FRMD6: variants seen among roughly 807,000 people sequenced by gnomAD.
FRMD6 encodes FERM domain-containing protein 6.
FRMD6 carries 37 observed loss-of-function variants against 73.2 expected under a neutral mutation model. The ratio of observed to expected loss-of-function variants is 0.51; its 90% CI spans 0.39 to 0.66. FRMD6 has a LOEUF of 0.66. FRMD6 is among the 30% of genes least tolerant of loss of function. The probability of loss-of-function intolerance (pLI) is 0.00; values close to 1 mark genes in which losing one functional copy is unlikely to be tolerated. For missense variants in FRMD6, 714 were observed against 780.5 expected, an observed-to-expected ratio of 0.91 and a Z score of 1.02; for synonymous variants, 273 against 282.2, an observed-to-expected ratio of 0.97 and a Z score of 0.33.
chr14:51,670,177 G>A (rs1006770451), intron 1 of FRMD6, among the ~76,000 whole-genome samples: 1 of 152,110 alleles, frequency 6.6e-6, no homozygotes, highest in Non-Finnish European at 1.5e-5. Flanking sequence ...CTGGGCTCAA[G>A]CAGTCCTCTG....
intron 1 of FRMD6, among the ~76,000 whole-genome samples, chr14:51,663,447 G>A (rs980852647): frequency 1.3e-5 from 2 of 152,162 alleles, no homozygotes; most frequent in African/African-American, 4.8e-5. Context: ...AAAAGAATGC[G>A]ATCATGTCCT....
intron 1 of FRMD6, among the ~76,000 whole-genome samples, chr14:51,656,664 G>A (rs548131110): frequency 2.2e-4 from 33 of 152,176 alleles, no homozygotes; most frequent in Admixed American, 7.8e-4. Context: ...TGCCCGCCTC[G>A]GCCTCCCAAA....
chr14:51,682,907 C>A (rs1795045411), intron 1 of FRMD6, among the ~76,000 whole-genome samples: 1 of 152,146 alleles, frequency 6.6e-6, no homozygotes, highest in Admixed American at 6.5e-5. Context: ...CTACATCACC[C>A]CCATCAGCCA....
At chr14:51,541,513 C>T (rs1596561850) in intron 1 of FRMD6, among the ~76,000 whole-genome samples, 1 of 151,894 alleles carries the variant, frequency 6.6e-6, no homozygotes, top group Admixed American at 6.6e-5. Flanking sequence ...GATTCAATGG[C>T]GGGGTAGGGT....
intron 2 of FRMD6, among the ~76,000 whole-genome samples, chr14:51,627,169 C>T (rs186167586): frequency 2.0e-4 from 31 of 152,198 alleles, no homozygotes; most frequent in Middle Eastern, 3.4e-3. Context: ...TAATCTTATT[C>T]TGATGTACTG....
chr14:51,563,872 G>C (rs1180600371), intron 1 of FRMD6, among the ~76,000 whole-genome samples: 2 of 152,186 alleles, frequency 1.3e-5, no homozygotes, highest in African/African-American at 4.8e-5. Context: ...TACACTTAGA[G>C]ATATTTAGAA....
At chr14:51,652,717 C>T (rs922901328) in intron 1 of FRMD6, among the ~76,000 whole-genome samples, 1 of 152,190 alleles carries the variant, frequency 6.6e-6, no homozygotes, top group Non-Finnish European at 1.5e-5. Context: ...TCTGGAGGAG[C>T]TTACGGCGCG....
intron 13 of FRMD6, 59 bp from the exon 14 acceptor site, chr14:51,727,686 C>G: frequency 2.0e-6 from 3 of 1,488,454 alleles, no homozygotes; most frequent in Admixed American, 3.9e-5. Context: ...TCTCTCTTTA[C>G]AAGGCAAATA....
the FRMD6 span, among the ~76,000 whole-genome samples, chr14:51,437,293 T>A: frequency 1.3e-5 from 2 of 152,222 alleles, no homozygotes; most frequent in Non-Finnish European, 2.9e-5. Context: ...ACTTCATCCA[T>A]GTTCCTGCAA....
intron 1 of FRMD6, among the ~76,000 whole-genome samples, chr14:51,655,357 A>G (rs1001235113): frequency 1.3e-5 from 2 of 152,192 alleles, no homozygotes; most frequent in Non-Finnish European, 2.9e-5. Context: ...GTATAAAACA[A>G]TGGAGAGTTA....
intron 1 of FRMD6, among the ~76,000 whole-genome samples, chr14:51,538,365 G>A (rs923518877): frequency 1.3e-5 from 2 of 151,758 alleles, no homozygotes; most frequent in African/African-American, 4.8e-5. Context: ...TACTTTTTCG[G>A]TGGTGTACTT....
chr14:51,661,654 C>T (rs907727899), intron 1 of FRMD6, among the ~76,000 whole-genome samples: 16 of 152,228 alleles, frequency 1.1e-4, no homozygotes, highest in African/African-American at 3.6e-4. Context: ...TCAGTTAGCT[C>T]ACATGTTGCT....
At chr14:51,444,664 G>C in the FRMD6 span, among the ~76,000 whole-genome samples, 2 of 152,198 alleles carry the variant, frequency 1.3e-5, no homozygotes, top group African/African-American at 4.8e-5. Flanking sequence ...GTGAGGTCGA[G>C]AGCCAGCTTC....
chr14:51,496,691 A>G (rs886208309), intron 1 of FRMD6, among the ~76,000 whole-genome samples: 10 of 152,172 alleles, frequency 6.6e-5, no homozygotes, highest in African/African-American at 2.2e-4. Context: ...AATAAACTCT[A>G]CCTCTTAATG....
rs755733651 is a variant in FRMD6 at position 51,720,201 on chromosome 14, A to G, written c.1171A>G (p.Ser391Gly). 1.2e-6 allele frequency: 2 copies of G among 1,614,128 alleles called. No homozygotes were observed. The highest frequency in any genetic ancestry group is 1.7e-6 in the Non-Finnish European group (2 of 1,180,030). Reference sequence around the variant, plus strand: ...CCGTCATTCCACCGCCAGCCACAGCAGTTCCCACACCTCGGGCATTGAGGC... The same window carrying G: ...CCGTCATTCCACCGCCAGCCACAGCGGTTCCCACACCTCGGGCATTGAGGC... ...LSRHSTASHSSSHTSGIEADT... is the reference protein window; with the variant it reads ...LSRHSTASHSGSHTSGIEADT... The change falls in exon 11 of 14, where the codon AGT becomes GGT. Residue 391 changes from serine to glycine, a missense_variant. Transcript: ENST00000344768.
the FRMD6 span, among the ~76,000 whole-genome samples, chr14:51,459,720 G>C: frequency 6.6e-6 from 1 of 150,944 alleles, no homozygotes; most frequent in Admixed American, 6.6e-5. Flanking sequence ...CCAGCTGCTC[G>C]GGAGGCTGAG....
At chr14:51,723,645 C>G (rs1175161056) in intron 12 of FRMD6, among the ~76,000 whole-genome samples, 2 of 151,286 alleles carry the variant, frequency 1.3e-5, no homozygotes, top group Non-Finnish European at 2.9e-5. Flanking sequence ...AAATTAGCTG[C>G]AGGCCTGTAA....
intron 2 of FRMD6, among the ~76,000 whole-genome samples, chr14:51,601,273 T>C (rs1270263329): frequency 6.6e-6 from 1 of 152,192 alleles, no homozygotes; most frequent in Non-Finnish European, 1.5e-5. Context: ...AAGCTTGTTT[T>C]AGTTTCCCGA....
intron 11 of FRMD6, among the ~76,000 whole-genome samples, 196 bp from the exon 12 acceptor site, chr14:51,721,753 A>AGGAGGGAAGGAT (rs1555340789): frequency 9.2e-6 from 1 of 108,706 alleles, no homozygotes; most frequent in African/African-American, 3.5e-5. Flanking sequence ...GAAGGGAGGA[A>AGGAGGGAAGGAT]GGAAGGAGGG....
Sources: allele counts gnomAD v4.1 joint callset (sites outside exome capture counted in the v4.1 genomes callset), GRCh38; gene constraint gnomAD v4.1.1; transcripts MANE v1.5; gene names NCBI Gene and HGNC (gene_info 2026-07-23, HGNC 2026-07-21).